SH3BP2: variants seen among roughly 807,000 people sequenced by gnomAD.
SH3BP2 encodes SH3 domain-binding protein 2.
SH3BP2 carries 38 observed loss-of-function variants against 56.2 expected under a neutral mutation model. The observed-to-expected ratio is 0.68, with a 90% CI of 0.52 to 0.89. The LOEUF is 0.89. SH3BP2 is among the 40% of genes least tolerant of loss of function. SH3BP2 has a pLI of 0.00. For synonymous variants in SH3BP2, 346 were observed against 316.7 expected (o/e 1.09, Z -0.98); for missense variants, 748 against 762.6 (o/e 0.98, Z 0.23).
Position 2,831,794 on chromosome 4 carries a change from C to A in SH3BP2, c.1350+115C>A. On this transcript the variant is annotated intron_variant, in intron 9 of 12. Transcript: ENST00000503393. This position sits in a 1 kb window ranked among gnomAD's most constrained non-coding sequence, Gnocchi z 4.1. ...GTCCTGAGCAAGGACCCCCCGAGAACCCGGGAGCCTAGGGGGACACAGCAC... is the reference window on the plus strand; with the variant it reads ...GTCCTGAGCAAGGACCCCCCGAGAAACCGGGAGCCTAGGGGGACACAGCAC... The A allele has an allele frequency of 7.4e-7, 1 of 1,357,934 alleles. No homozygotes were observed. The highest frequency in any genetic ancestry group is 1.0e-6 in the Non-Finnish European group (1 of 968,978). 84.1% of individuals were successfully genotyped at this position (1,357,934 alleles called of 1,614,324 possible). A position where few individuals can be genotyped will look rare whatever the true frequency, so the allele number is the denominator to read the frequency against.
At chr4:2,827,983 T>C (rs1034202779) in intron 7 of SH3BP2, among the ~76,000 whole-genome samples, 1 of 152,154 alleles carries the variant, frequency 6.6e-6, no homozygotes, top group East Asian at 1.9e-4. Context: ...GCGCGCAGGC[T>C]CAGGGCAGGT....
At chr4:2,793,340 G>A (rs1722960036) in intron 1 of SH3BP2, among the ~76,000 whole-genome samples, 1 of 145,052 alleles carries the variant, frequency 6.9e-6, no homozygotes, top group Non-Finnish European at 1.5e-5. Context: ...CAGGGGTCCC[G>A]GCAGGTCTTG....
chr4:2,798,963 T>C, intron 1 of SH3BP2: 1 of 983,694 alleles, frequency 1.0e-6, no homozygotes, highest in Non-Finnish European at 1.2e-6. Flanking sequence ...TGGGGCGGGG[T>C]GTGTGGGAGT....
rs1309880825 is a variant in SH3BP2, at chr4:2,840,025, G to C, written c.*6191G>C. 6.6e-6 allele frequency: 1 copy of C among 151,930 alleles called. No homozygotes were observed. Among genetic ancestry groups the C allele is most frequent in the Non-Finnish European group, 1.5e-5 (1 of 68,008 alleles). 9.4% of individuals were successfully genotyped at this position (151,930 alleles called of 1,614,324 possible). A position where few individuals can be genotyped will look rare whatever the true frequency, so the allele number is the denominator to read the frequency against. On this transcript the variant is annotated 3_prime_UTR_variant, in exon 13 of 13. Transcript: ENST00000503393. ...GGATTACTTGAGCTCAGGAGTTTGAGACCAACCTGGACAACATGGCGAAAC... is the reference window on the plus strand; with the variant it reads ...GGATTACTTGAGCTCAGGAGTTTGACACCAACCTGGACAACATGGCGAAAC...
At chr4:2,832,447 T>C in intron 11 of SH3BP2, 35 bp downstream of exon 11, 1 of 1,551,814 alleles carries the variant, frequency 6.4e-7, no homozygotes, top group Non-Finnish European at 8.9e-7. Flanking sequence ...AGGGCCCCTC[T>C]GGCTCTCCAC....
chr4:2,812,626 G>T, intron 1 of SH3BP2: 2 of 1,057,846 alleles, frequency 1.9e-6, no homozygotes, highest in Non-Finnish European at 1.3e-6. Flanking sequence ...CCTGCAAAAG[G>T]CAACAGGCTC....
intron 1 of SH3BP2, chr4:2,812,554 C>A: frequency 1.3e-6 from 2 of 1,488,150 alleles, no homozygotes; most frequent in Non-Finnish European, 1.8e-6. Flanking sequence ...AAGGGGGCCC[C>A]ACGTGGGAGC....
rs568332811 is a variant in SH3BP2, at chr4:2,840,234, C to CAAAAAAAAAAAAAAAAAAAAAAAA, written c.*6420_*6421insAAAAAAAAAAAAAAAAAAAAAAAA. 1 of 82,832 alleles carries CAAAAAAAAAAAAAAAAAAAAAAAA rather than the reference C, an allele frequency of 1.2e-5. No individual in the cohort carries two copies. 5.1% of individuals were successfully genotyped at this position (82,832 alleles called of 1,614,324 possible). A position where few individuals can be genotyped will look rare whatever the true frequency, so the allele number is the denominator to read the frequency against. ...AGTGAGACCCTATCTCAAAAAAAAC[C>CAAAAAAAAAAAAAAAAAAAAAAAA]AAAAAAAAAAAAAAAAAAAAGAAAA... On this transcript the variant is annotated 3_prime_UTR_variant, in exon 13 of 13. Transcript: ENST00000503393.
intron 11 of SH3BP2, 49 bp from the exon 12 acceptor site, chr4:2,832,941 G>T: frequency 6.3e-7 from 1 of 1,588,544 alleles, no homozygotes. Flanking sequence ...CCCGAGGCTG[G>T]TCCCGCTGTT....
chr4:2,830,316 C>T (rs1458298906), intron 8 of SH3BP2, among the ~76,000 whole-genome samples, 169 bp downstream of exon 8: 4 of 152,198 alleles, frequency 2.6e-5, no homozygotes, highest in Admixed American at 1.3e-4. Flanking sequence ...CTTGGTGGAA[C>T]GTGGAGCATG....
chr4:2,827,173 C>A, intron 5 of SH3BP2, 57 bp from the exon 6 acceptor site: 1 of 1,436,816 alleles, frequency 7.0e-7, no homozygotes. Context: ...GTGTGAGCAT[C>A]AAGGGACCTC....
chr4:2,806,235 G>A (rs973060914), intron 1 of SH3BP2, among the ~76,000 whole-genome samples: 3 of 152,164 alleles, frequency 2.0e-5, no homozygotes, highest in Admixed American at 6.5e-5. Flanking sequence ...CAGGACTGCC[G>A]CCCCTCTCGG....
chr4:2,796,006 G>A (rs994962836), intron 1 of SH3BP2, among the ~76,000 whole-genome samples: 3 of 152,158 alleles, frequency 2.0e-5, no homozygotes, highest in East Asian at 3.9e-4. Context: ...CTTCCCTGGG[G>A]CACTGGACCC....
Position 2,824,746 on chromosome 4 carries a change from A to G in SH3BP2, c.357+16A>G, listed in dbSNP as rs1724503915. On this transcript the variant is annotated intron_variant, in intron 4 of 12. Transcript: ENST00000503393. ...GGAGCGCAAGGTGACTGGGGGTCCGAGGACGAGTGCAAGGTGACTGGGGGT... is the reference window on the plus strand; with the variant it reads ...GGAGCGCAAGGTGACTGGGGGTCCGGGGACGAGTGCAAGGTGACTGGGGGT... The G allele has an allele frequency of 1.3e-6, 2 of 1,572,038 alleles. No homozygotes were observed. The highest frequency in any genetic ancestry group is 1.7e-4 in the Middle Eastern group (1 of 5,968).
At chr4:2,823,868 G>A (rs1339286342) in intron 3 of SH3BP2, among the ~76,000 whole-genome samples, 1 of 152,258 alleles carries the variant, frequency 6.6e-6, no homozygotes, top group East Asian at 1.9e-4. Context: ...AGCCTTGCCA[G>A]AGCACCCAGC....
intron 1 of SH3BP2, among the ~76,000 whole-genome samples, chr4:2,807,348 T>G (rs1577342212): frequency 6.6e-6 from 1 of 152,326 alleles, no homozygotes; most frequent in East Asian, 1.9e-4. Context: ...GGGTCTGGCC[T>G]CATGTATGGA....
In SH3BP2 at chr4:2,820,765, G is replaced by T. The variant is rs1471386268; in HGVS notation, c.136+12G>T. The T allele has an allele frequency of 6.2e-7, 1 of 1,610,904 alleles. No homozygotes were observed. Among genetic ancestry groups the T allele is most frequent in the African/African-American group, 1.3e-5 (1 of 74,818 alleles). On this transcript the variant is annotated intron_variant, in intron 2 of 12. Transcript: ENST00000503393. ...GCAGCTGCTGAAATGTGAGTCCCTGGGGTGGTAGGGTGCACAGTAGGAGGG... is the reference window on the plus strand; with the variant it reads ...GCAGCTGCTGAAATGTGAGTCCCTGTGGTGGTAGGGTGCACAGTAGGAGGG...
intron 3 of SH3BP2, chr4:2,823,699 G>A: frequency 5.6e-6 from 2 of 357,494 alleles, no homozygotes; most frequent in Non-Finnish European, 1.1e-5. Context: ...TCGGAGCCCT[G>A]CACCCCACAG....
intron 1 of SH3BP2, among the ~76,000 whole-genome samples, chr4:2,815,998 A>G (rs1723977416): frequency 6.6e-6 from 1 of 152,202 alleles, no homozygotes; most frequent in African/African-American, 2.4e-5. Flanking sequence ...ATATAGAAAT[A>G]GAATTGATTT....
Sources: gnomAD v4.1 joint callset for allele counts (sites outside exome capture counted in the v4.1 genomes callset) on GRCh38, gnomAD v4.1.1 for gene constraint, Gnocchi (gnomAD v3.1) non-coding constraint, MANE v1.5 for transcripts, NCBI Gene and HGNC (gene_info 2026-07-23, HGNC 2026-07-21) for gene names.